Variants in ACACA observed in about 807,000 individuals in gnomAD.
ACACA encodes the protein acetyl-CoA carboxylase alpha, also known as acetyl-CoA carboxylase 1.
Under a neutral mutation model 296.1 loss-of-function variants are expected in ACACA, and 103 were observed. That is an observed-to-expected ratio of 0.35 (90% confidence interval 0.30 to 0.41). The LOEUF is 0.41. Ranked by LOEUF, ACACA falls within the 10% of genes least tolerant of loss-of-function variation. The pLI, the probability that ACACA is intolerant of heterozygous loss-of-function variation, is 1.00. For synonymous variants in ACACA, 953 were observed against 1,038.6 expected, an observed-to-expected ratio of 0.92 and a Z score of 1.58; for missense variants, 1,554 against 2,989.7, an observed-to-expected ratio of 0.52 and a Z score of 11.20.
chr17:37,352,367 T>A (rs1293259042), intron 1 of ACACA, among the ~76,000 whole-genome samples: 2 of 152,166 alleles, frequency 1.3e-5, no homozygotes, highest in East Asian at 3.8e-4. Context: ...AGTTCTAGGA[T>A]GAATTAATTT....
In ACACA at chr17:37,193,463, C is replaced by A. The variant is rs764283522; in HGVS notation, c.4159-48G>T. The stretch of plus-strand genomic sequence containing the variant: ...ATGTGTCAGTAGTTCATAGACATGG[C>A]TCTTTGAGAACAAACAGTATAGAAA... On this transcript the variant is annotated intron_variant, in intron 35 of 55. Coordinates refer to ENST00000616317, the MANE Select transcript of ACACA (RefSeq NM_198834.3). 71 of 1,396,584 alleles carry A rather than the reference C, an allele frequency of 5.1e-5. 1 individual carries two copies. In the East Asian group the frequency reaches 8.0e-4, roughly 16 times the overall value. The allele number at this position is 1,396,584 out of a possible 1,614,324, so 86.5% of individuals were successfully genotyped here. A position where few individuals can be genotyped will look rare whatever the true frequency, so the allele number is the denominator to read the frequency against.
Position 37,330,339 on chromosome 17 carries a change from T to A in ACACA, c.172A>T (p.Ile58Leu), listed in dbSNP as rs766679093. Reference sequence around the variant, plus strand: ...GAGTTATCTTCAGACACAGAACCTATTATGAATCGAGAGTGCTGGTTCAGC... The same window carrying A: ...GAGTTATCTTCAGACACAGAACCTAATATGAATCGAGAGTGCTGGTTCAGC... Reference protein sequence around the residue: ...LELNQHSRFIIGSVSEDNSED... With the variant: ...LELNQHSRFILGSVSEDNSED... The change falls in exon 3 of 56, where the codon ATA (isoleucine) becomes TTA (leucine). Residue 58 changes from isoleucine (I) to leucine (L), a missense_variant. Transcript: ENST00000616317. The A allele has an allele frequency of 1.2e-6, 2 of 1,614,078 alleles. No homozygotes were observed. Among genetic ancestry groups the A allele is most frequent in the East Asian group, 2.2e-5 (1 of 44,904 alleles).
chr17:37,129,316 C>T (rs1227474892), intron 47 of ACACA, 49 bp downstream of exon 47: 6 of 1,611,744 alleles, frequency 3.7e-6, no homozygotes, highest in Non-Finnish European at 3.4e-6. Flanking sequence ...GAAAAGAACG[C>T]TAAAAGCTTA....
chr17:37,206,465 C>T (rs951545034), intron 32 of ACACA, among the ~76,000 whole-genome samples: 1 of 152,102 alleles, frequency 6.6e-6, no homozygotes, highest in Non-Finnish European at 1.5e-5. Flanking sequence ...AAAATATAAG[C>T]CATGGCTGAG....
rs913408671 is a variant in ACACA at position 37,217,896 on chromosome 17, T to C, written c.3683+3828A>G. ...AGCCTGGGAACATGACAAGACCCCA[T>C]CTCTATGGGAGGGGAAAAAAAAATT... is the stretch of plus-strand genomic sequence containing the variant. On this transcript the variant is annotated intron_variant, in intron 29 of 55. Coordinates refer to ENST00000616317, the MANE Select transcript of ACACA (RefSeq NM_198834.3). Among the ~76,000 whole-genome samples the C allele has an allele frequency of 2.6e-5, 4 of 151,552 alleles. No homozygotes were observed. In the South Asian group the frequency reaches 6.3e-4, roughly 24 times the overall value.
At chr17:37,125,868 T>G in intron 47 of ACACA, 74 bp from the exon 48 acceptor site, 1 of 1,322,320 alleles carries the variant, frequency 7.6e-7, no homozygotes, top group Non-Finnish European at 1.1e-6. Flanking sequence ...ACTGACGAAT[T>G]TAAGGTGGTT....
chr17:37,276,914 A>G lies in ACACA; in HGVS notation c.802+119T>C, dbSNP rs528153431. Reference sequence around the variant, plus strand: ...CTGAGAGTTAGTAATAGATTGAGGGAAAAAAAAAGAGAGAGAGAGCCCAGC... The same window carrying G: ...CTGAGAGTTAGTAATAGATTGAGGGGAAAAAAAAGAGAGAGAGAGCCCAGC... On this transcript the variant is annotated intron_variant, in intron 7 of 55. Transcript: ENST00000616317. The G allele has an allele frequency of 4.4e-5, 37 of 845,794 alleles. 1 individual carries two copies. The highest frequency in any genetic ancestry group is 1.0e-4 in the African/African-American group (6 of 59,398). The allele number at this position is 845,794 out of a possible 1,614,324, so 52.4% of individuals were successfully genotyped here.
chr17:37,118,692 T>C (rs2074376306), intron 50 of ACACA, among the ~76,000 whole-genome samples: 2 of 152,228 alleles, frequency 1.3e-5, no homozygotes, highest in African/African-American at 4.8e-5. Context: ...TGTAGCTGAA[T>C]GAGCTTGGGA....
intron 44 of ACACA, among the ~76,000 whole-genome samples, chr17:37,151,000 T>C (rs1183386195): frequency 6.6e-6 from 1 of 151,124 alleles, no homozygotes; most frequent in Non-Finnish European, 1.5e-5. Context: ...TGCAGTGAGC[T>C]GAGATCGTGC....
intron 47 of ACACA, 82 bp from the exon 48 acceptor site, chr17:37,125,876 G>A (rs1032535437): frequency 8.1e-7 from 1 of 1,233,570 alleles, no homozygotes; most frequent in African/African-American, 1.5e-5. Flanking sequence ...ATTTAAGGTG[G>A]TTTGGGGGAT....
intron 31 of ACACA, among the ~76,000 whole-genome samples, chr17:37,207,311 T>C (rs2078549053): frequency 1.3e-5 from 2 of 152,186 alleles, no homozygotes; most frequent in African/African-American, 4.8e-5. Context: ...AAAAGATGTA[T>C]TGTCTCTTGT....
intron 42 of ACACA, among the ~76,000 whole-genome samples, chr17:37,157,171 A>G (rs1310321054): frequency 1.3e-5 from 2 of 152,238 alleles, no homozygotes; most frequent in African/African-American, 4.8e-5. Flanking sequence ...TAACCAAGGA[A>G]AGCCTCATTG....
intron 41 of ACACA, among the ~76,000 whole-genome samples, chr17:37,176,270 T>G (rs1227498784): frequency 2.6e-5 from 4 of 152,156 alleles, no homozygotes; most frequent in Non-Finnish European, 5.9e-5. Context: ...CTCCAATCCT[T>G]GAAGGTAATG....
intron 36 of ACACA, among the ~76,000 whole-genome samples, chr17:37,192,587 T>G (rs113767245): frequency 5.8e-4 from 89 of 152,284 alleles, no homozygotes; most frequent in African/African-American, 2.0e-3. Flanking sequence ...CAAAAAATCC[T>G]CAATTTCCTT....
At chr17:37,275,518 A>G (rs1017113208) in intron 8 of ACACA, among the ~76,000 whole-genome samples, 1 of 151,680 alleles carries the variant, frequency 6.6e-6, no homozygotes, top group African/African-American at 2.4e-5. Context: ...AAAAAAGAAA[A>G]AAAAAGAAAA....
intron 42 of ACACA, among the ~76,000 whole-genome samples, chr17:37,159,674 T>C (rs2076388135): frequency 1.3e-5 from 2 of 152,268 alleles, no homozygotes. Flanking sequence ...TATTGAAATA[T>C]AATTTACATG....
At chr17:37,357,180 C>T (rs2049180796) in intron 1 of ACACA, among the ~76,000 whole-genome samples, 1 of 152,124 alleles carries the variant, frequency 6.6e-6, no homozygotes, top group Non-Finnish European at 1.5e-5. Flanking sequence ...TGATGTATTT[C>T]TATTATGCAC....
intron 10 of ACACA, among the ~76,000 whole-genome samples, chr17:37,268,487 G>A (rs1448003250): frequency 6.6e-6 from 1 of 152,012 alleles, no homozygotes; most frequent in Non-Finnish European, 1.5e-5. Flanking sequence ...AATGTGGGAG[G>A]TTTTCCAGGG....
chr17:37,228,880 A>T (rs1598252000), intron 25 of ACACA, among the ~76,000 whole-genome samples: 1 of 152,202 alleles, frequency 6.6e-6, no homozygotes, highest in African/African-American at 2.4e-5. Context: ...GCGGTGGCTC[A>T]CGCCTGTAAT....
Sources: allele counts gnomAD v4.1 joint callset (sites outside exome capture counted in the v4.1 genomes callset), GRCh38; gene constraint gnomAD v4.1.1; transcripts MANE v1.5; gene names NCBI Gene and HGNC (gene_info 2026-07-23, HGNC 2026-07-21).